Variants in OPCML observed in about 807,000 individuals in gnomAD.
OPCML encodes opioid binding protein/cell adhesion molecule like.
In OPCML, 13 loss-of-function variants were observed where a neutral mutation model predicts 37.8. The observed-to-expected ratio is 0.34, with a 90% confidence interval of 0.22 to 0.55. The LOEUF (loss-of-function observed/expected upper bound fraction) is 0.55, where lower values mean the gene tolerates loss of function less well. Ranked by LOEUF, OPCML falls within the 20% of genes least tolerant of loss-of-function variation. OPCML has a pLI of 0.91. For synonymous variants in OPCML, 176 were observed against 168.8 expected, an observed-to-expected ratio of 1.04 and a Z score of -0.33; for missense variants, 341 against 435.6, an observed-to-expected ratio of 0.78 and a Z score of 1.93.
intron 1 of OPCML, chr11:133,299,266 G>C (rs1451312799): frequency 9.2e-5 from 14 of 152,220 alleles, no homozygotes; most frequent in Admixed American, 9.2e-4. Context: ...ATTAATCAGA[G>C]GTTTCATTCA....
At chr11:132,761,174 G>A (rs1946247314) in intron 2 of OPCML, among the ~76,000 whole-genome samples, 1 of 150,620 alleles carries the variant, frequency 6.6e-6, no homozygotes, top group Non-Finnish European at 1.5e-5. Context: ...TCTGCTGTTA[G>A]TCTGATGAGC....
In OPCML at chr11:133,522,443, C is replaced by T. The variant is rs936898503; in HGVS notation, c.61+9821G>A. Among the ~76,000 whole-genome samples, 11 of 152,148 alleles carry T rather than the reference C, an allele frequency of 7.2e-5. 1 individual carries two copies. The highest frequency in any genetic ancestry group is 5.2e-4 in the Admixed American group (8 of 15,264). On this transcript the variant is annotated intron_variant, in intron 1 of 7. Coordinates refer to ENST00000524381, the MANE Select transcript of OPCML (RefSeq NM_001012393.5). Reference sequence around the variant, plus strand: ...CTCCCAGATCATTACAAAGGTCATTCGAAGTATGCAAATGCCACTGAAGGA... The same window carrying T: ...CTCCCAGATCATTACAAAGGTCATTTGAAGTATGCAAATGCCACTGAAGGA...
intron 1 of OPCML, among the ~76,000 whole-genome samples, chr11:133,051,531 G>T (rs1227257635): frequency 3.3e-5 from 5 of 152,064 alleles, no homozygotes; most frequent in African/African-American, 9.7e-5. Flanking sequence ...TTGTTTGTTT[G>T]TTTGTTTTTT....
Position 132,555,546 on chromosome 11 carries a change from G to T in OPCML, c.380-26360C>A, listed in dbSNP as rs2096393476. Among the ~76,000 whole-genome samples, 4 of 152,106 alleles carry T rather than the reference G, an allele frequency of 2.6e-5. No homozygotes were observed. The South Asian group carries it at 6.2e-4, about 24-fold the overall frequency. On this transcript the variant is annotated intron_variant, in intron 3 of 7. Transcript: ENST00000524381. ...AGCTACAATTCAAGATGAGATTTGGGTGGGGTCATAGCCAAACCATATCAA... is the reference window on the plus strand; with the variant it reads ...AGCTACAATTCAAGATGAGATTTGGTTGGGGTCATAGCCAAACCATATCAA...
At chr11:133,197,506 A>G (rs1036904767) in intron 1 of OPCML, among the ~76,000 whole-genome samples, 2 of 152,164 alleles carry the variant, frequency 1.3e-5, no homozygotes, top group Non-Finnish European at 2.9e-5. Context: ...ACTCATTACC[A>G]CATCTCACTG....
intron 2 of OPCML, among the ~76,000 whole-genome samples, chr11:132,887,124 A>G (rs1245195141): frequency 6.6e-6 from 1 of 152,188 alleles, no homozygotes; most frequent in Non-Finnish European, 1.5e-5. Context: ...ACAGACCACA[A>G]ATACAATGGT....
At chr11:132,464,170 G>GCACT (rs2096112327) in intron 4 of OPCML, among the ~76,000 whole-genome samples, 1 of 152,172 alleles carries the variant, frequency 6.6e-6, no homozygotes, top group African/African-American at 2.4e-5. Flanking sequence ...TGCAGCTGCT[G>GCACT]CACTCCCTCT....
At position 133,012,616 on chromosome 11, in the gene OPCML, C is replaced by T. The variant is rs563036490; in HGVS notation, c.62-69606G>A. On this transcript the variant is annotated intron_variant, in intron 1 of 7. Coordinates refer to ENST00000524381, the MANE Select transcript of OPCML (RefSeq NM_001012393.5). ...CTGGGCCGGACACGGTGGCTCACAC[C>T]TGTAATCCCAGCACTTTGGGAGGCC... Among the ~76,000 whole-genome samples, 106 of 152,242 alleles carry T rather than the reference C, an allele frequency of 7.0e-4. 2 individuals are homozygous for T. In the Middle Eastern group the frequency reaches 0.01, roughly 15 times the overall value.
intron 2 of OPCML, among the ~76,000 whole-genome samples, chr11:132,764,921 G>A (rs1196630231): frequency 6.6e-6 from 1 of 152,224 alleles, no homozygotes; most frequent in African/African-American, 2.4e-5. Flanking sequence ...CAGGGCTTGT[G>A]CACAGCCGGC....
chr11:132,484,498 A>G (rs1592246646), intron 4 of OPCML, among the ~76,000 whole-genome samples: 1 of 152,226 alleles, frequency 6.6e-6, no homozygotes, highest in African/African-American at 2.4e-5. Flanking sequence ...ACCACTGTGG[A>G]AGTCAGTGTG....
At chr11:133,269,889 T>G (rs1941774922) in intron 1 of OPCML, among the ~76,000 whole-genome samples, 1 of 152,184 alleles carries the variant, frequency 6.6e-6, no homozygotes, top group South Asian at 2.1e-4. Context: ...TTCATGATAA[T>G]GAAAGAAATG....
chr11:133,301,792 A>C (rs921756977), intron 1 of OPCML: 2 of 152,132 alleles, frequency 1.3e-5, no homozygotes, highest in South Asian at 2.1e-4. Context: ...TAATTTGGAC[A>C]CTGAACATAT....
intron 1 of OPCML, among the ~76,000 whole-genome samples, chr11:133,508,566 T>C (rs1393802557): frequency 6.6e-6 from 1 of 152,142 alleles, no homozygotes; most frequent in African/African-American, 2.4e-5. Flanking sequence ...ACACTGCAAG[T>C]CCAGCCCACA....
chr11:132,682,076 A>G (rs2135855680), intron 2 of OPCML, among the ~76,000 whole-genome samples: 1 of 152,282 alleles, frequency 6.6e-6, no homozygotes, highest in South Asian at 2.1e-4. Context: ...CAGGGGACTC[A>G]GGTATCCCCC....
At chr11:132,466,483 CG>C (rs1232424678) in intron 4 of OPCML, among the ~76,000 whole-genome samples, 1 of 132,784 alleles carries the variant, frequency 7.5e-6, no homozygotes, top group Middle Eastern at 3.3e-3. Context: ...GACTCCGTCT[CG>C]GAAAAAAAAA....
At chr11:133,197,536 G>T (rs924469559) in intron 1 of OPCML, among the ~76,000 whole-genome samples, 1 of 152,160 alleles carries the variant, frequency 6.6e-6, no homozygotes, top group Non-Finnish European at 1.5e-5. Context: ...GGTGACTAAG[G>T]TCTGGAAATG....
intron 1 of OPCML, among the ~76,000 whole-genome samples, chr11:133,017,229 A>T (rs1947350532): frequency 6.6e-6 from 1 of 152,052 alleles, no homozygotes; most frequent in Admixed American, 6.5e-5. Flanking sequence ...CTGCCCTCAC[A>T]ACTTAATCAC....
chr11:133,165,073 G>A lies in OPCML; in HGVS notation c.62-222063C>T, dbSNP rs946092333. Among the ~76,000 whole-genome samples, 177 of 152,332 alleles carry A rather than the reference G, an allele frequency of 1.2e-3. 1 individual carries two copies. The highest frequency in any genetic ancestry group is 4.1e-3 in the African/African-American group (172 of 41,570). ...ACATATACATTTAAAAATTAAGGGG[G>A]AAGGTACTCAGAGCAAAACATATTT... is the stretch of plus-strand genomic sequence containing the variant. On this transcript the variant is annotated intron_variant, in intron 1 of 7. Coordinates refer to ENST00000524381, the MANE Select transcript of OPCML (RefSeq NM_001012393.5).
intron 1 of OPCML, among the ~76,000 whole-genome samples, chr11:133,507,829 C>A (rs1451529869): frequency 6.6e-6 from 1 of 151,982 alleles, no homozygotes; most frequent in Non-Finnish European, 1.5e-5. Flanking sequence ...CCCCTGTAAT[C>A]CCAGCTACTT....
Sources: gnomAD v4.1 joint callset for allele counts (sites outside exome capture counted in the v4.1 genomes callset) on GRCh38, gnomAD v4.1.1 for gene constraint, MANE v1.5 for transcripts, NCBI Gene and HGNC (gene_info 2026-07-23, HGNC 2026-07-21) for gene names.